Variants in RBFOX1 observed in about 807,000 individuals in gnomAD.
RBFOX1 encodes RNA binding fox-1 homolog 1.
A neutral mutation model predicts 57.7 loss-of-function variants in RBFOX1; 8 were observed. The observed-to-expected ratio is 0.14, with a 90% CI of 0.08 to 0.25. The LOEUF (loss-of-function observed/expected upper bound fraction) is 0.25. Ranked by LOEUF, RBFOX1 falls within the 10% of genes least tolerant of loss-of-function variation. RBFOX1 has a pLI of 1.00. For missense variants in RBFOX1, 611 were observed against 548.5 expected (o/e 1.11, Z -1.14); for synonymous variants, 326 against 222.4 (o/e 1.47, Z -4.15).
chr16:6,768,316 A>C (rs934108822), intron 3 of RBFOX1, among the ~76,000 whole-genome samples: 1 of 151,580 alleles, frequency 6.6e-6, no homozygotes, highest in Admixed American at 6.6e-5. Flanking sequence ...ATGACAATAA[A>C]GAGTCTTATT....
At chr16:6,715,562 C>T (rs144438736) in intron 3 of RBFOX1, among the ~76,000 whole-genome samples, 52 of 152,228 alleles carry the variant, frequency 3.4e-4, no homozygotes, top group South Asian at 6.2e-4. Context: ...TGAAAACTCC[C>T]GAAGAGTCTT....
chr16:6,479,779 G>T (rs1392177837), intron 2 of RBFOX1, among the ~76,000 whole-genome samples: 1 of 151,926 alleles, frequency 6.6e-6, no homozygotes, highest in African/African-American at 2.4e-5. Context: ...GCCAGGCACG[G>T]TGGCTCATGC....
In RBFOX1 at chr16:6,837,865, A is replaced by G. The variant is rs539778321; in HGVS notation, c.-16+183215A>G. Among the ~76,000 whole-genome samples, 7 of 152,238 alleles carry G rather than the reference A, an allele frequency of 4.6e-5. No homozygotes were observed. In the East Asian group the frequency reaches 9.7e-4, roughly 21 times the overall value. ...CCACATTGAAGACTGGCGGAAACTGAGAAGAGGCACTGAAAGCATGCCCAA... is the reference window on the plus strand; with the variant it reads ...CCACATTGAAGACTGGCGGAAACTGGGAAGAGGCACTGAAAGCATGCCCAA... On this transcript the variant is annotated intron_variant, in intron 3 of 15. Transcript: ENST00000550418.
chr16:5,398,294 C>G (rs1252115206), intron 1 of RBFOX1, among the ~76,000 whole-genome samples: 2 of 151,352 alleles, frequency 1.3e-5, no homozygotes, highest in African/African-American at 2.4e-5. Context: ...TGCATGTGTG[C>G]TTATGTGTGT....
chr16:6,624,013 G>T (rs144349284), intron 2 of RBFOX1, among the ~76,000 whole-genome samples: 1 of 152,118 alleles, frequency 6.6e-6, no homozygotes, highest in African/African-American at 2.4e-5. Context: ...CTGAGGAGTC[G>T]CCACACTGAC....
At chr16:6,767,938 TAATAATAATAAGAAGAAGAAG>T (rs1296534394) in intron 3 of RBFOX1, among the ~76,000 whole-genome samples, 20 of 84,796 alleles carry the variant, frequency 2.4e-4, no homozygotes, top group East Asian at 1.1e-3. Context: ...ATAATAATAA[TAATAATAATAAGAAGAAGAAG>T]AAGAAGAAGA....
At chr16:7,539,192 G>A (rs905616132) in intron 5 of RBFOX1, among the ~76,000 whole-genome samples, 1 of 152,122 alleles carries the variant, frequency 6.6e-6, no homozygotes, top group African/African-American at 2.4e-5. Flanking sequence ...GATACTTTTT[G>A]AAGAAAACAC....
At chr16:7,472,866 G>C (rs1487151717) in intron 4 of RBFOX1, among the ~76,000 whole-genome samples, 1 of 152,162 alleles carries the variant, frequency 6.6e-6, no homozygotes, top group Non-Finnish European at 1.5e-5. Context: ...GGAAATGTGG[G>C]ATTTCTCTTA....
chr16:6,520,856 A>G (rs754154589), intron 2 of RBFOX1, among the ~76,000 whole-genome samples: 5 of 152,172 alleles, frequency 3.3e-5, no homozygotes, highest in African/African-American at 9.7e-5. Context: ...TTGAAGTGCT[A>G]TTGTCAATAG....
chr16:6,335,506 G>T (rs551717565), intron 2 of RBFOX1, among the ~76,000 whole-genome samples: 1 of 152,070 alleles, frequency 6.6e-6, no homozygotes, highest in Non-Finnish European at 1.5e-5. Context: ...CAGGCCGGGC[G>T]CGGTGGTTCA....
Position 6,845,144 on chromosome 16 carries a change from G to A in RBFOX1, c.-16+190494G>A, listed in dbSNP as rs370186797. On this transcript the variant is annotated intron_variant, in intron 3 of 15. Transcript: ENST00000550418. ...ATTCTGTGGGTTGTCTGTTCACTCT[G>A]GTAGTTTCTTTTTCTGCACAGAAGC... 3.4e-3 allele frequency among the ~76,000 whole-genome samples: 273 copies of A among 80,088 alleles called. 1 individual carries two copies. The highest frequency in any genetic ancestry group is 9.4e-3 in the African/African-American group (248 of 26,440). 52.5% of individuals were successfully genotyped at this position (80,088 alleles called of 152,430 possible). A position where few individuals can be genotyped will look rare whatever the true frequency, so the allele number is the denominator to read the frequency against.
At chr16:6,993,993 A>G (rs542633750) in intron 3 of RBFOX1, among the ~76,000 whole-genome samples, 59 of 152,240 alleles carry the variant, frequency 3.9e-4, no homozygotes, top group African/African-American at 1.3e-3. Context: ...GTGGCTTTAG[A>G]AGAAGTATGT....
At chr16:5,565,355 G>A (rs111466909) in intron 2 of RBFOX1, among the ~76,000 whole-genome samples, 6,500 of 152,244 alleles carry the variant, frequency 0.043, 351 homozygotes, top group African/African-American at 0.13. Flanking sequence ...GCCGGGCGCA[G>A]TGGCTCACTC....
At chr16:6,278,611 C>G (rs2076077706) in intron 1 of RBFOX1, among the ~76,000 whole-genome samples, 1 of 151,908 alleles carries the variant, frequency 6.6e-6, no homozygotes, top group Non-Finnish European at 1.5e-5. Flanking sequence ...TGGGTCTCTA[C>G]AAAGATTTCC....
chr16:5,558,344 G>A (rs1253090901), intron 2 of RBFOX1, among the ~76,000 whole-genome samples: 3 of 152,312 alleles, frequency 2.0e-5, no homozygotes, highest in East Asian at 3.9e-4. Flanking sequence ...AGATGCAGCT[G>A]TGGAGGCAGA....
chr16:6,950,753 A>G (rs1335167836), intron 3 of RBFOX1, among the ~76,000 whole-genome samples: 3 of 152,284 alleles, frequency 2.0e-5, no homozygotes, highest in Middle Eastern at 3.4e-3. Context: ...GCCATGTAAT[A>G]TGGGTAGGTG....
rs148215797 is a variant in RBFOX1 at position 7,640,685 on chromosome 16, G to A, written c.757+10002G>A. On this transcript the variant is annotated intron_variant, in intron 11 of 15. Transcript: ENST00000550418. ...CCTGGAAACCCCAAGTCCTGTGATA[G>A]CATTGACAGAAAGTGTTTTTTAATG... Among the ~76,000 whole-genome samples the A allele has an allele frequency of 5.8e-3, 888 of 152,290 alleles. 8 individuals carry two copies. Among genetic ancestry groups the A allele is most frequent in the African/African-American group, 0.021 (858 of 41,564 alleles).
intron 3 of RBFOX1, among the ~76,000 whole-genome samples, chr16:6,859,195 A>AC (rs2058565893): frequency 8.2e-6 from 1 of 122,024 alleles, no homozygotes; most frequent in African/African-American, 3.1e-5. Context: ...GTATATATAT[A>AC]TGTATATATA....
intron 3 of RBFOX1, among the ~76,000 whole-genome samples, chr16:6,782,164 A>T (rs2081135817): frequency 6.6e-6 from 1 of 151,910 alleles, no homozygotes; most frequent in African/African-American, 2.4e-5. Flanking sequence ...GCACCACCAC[A>T]CCCAGCTAAT....
Sources: gnomAD v4.1 joint callset for allele counts (sites outside exome capture counted in the v4.1 genomes callset) on GRCh38, gnomAD v4.1.1 for gene constraint, MANE v1.5 for transcripts, NCBI Gene and HGNC (gene_info 2026-07-23, HGNC 2026-07-21) for gene names.